The following SDK1 variants were observed in gnomAD, a reference collection of about 807,000 sequenced individuals.
SDK1 encodes the protein sidekick cell adhesion molecule 1, also known as protein sidekick-1.
Under a neutral mutation model 245.5 loss-of-function variants are expected in SDK1, and 157 were observed. The ratio of observed to expected loss-of-function variants is 0.64; its 90% CI spans 0.56 to 0.73. The LOEUF is 0.73. Ranked by LOEUF, SDK1 falls within the 30% of genes least tolerant of loss-of-function variation. The pLI is 0.00. For synonymous variants in SDK1, 1,647 were observed against 1,278.5 expected, an observed-to-expected ratio of 1.29 and a Z score of -6.15; for missense variants, 3,583 against 3,002.3, an observed-to-expected ratio of 1.19 and a Z score of -4.52.
chr7:3,766,293 A>G lies in SDK1; in HGVS notation c.714-55157A>G, dbSNP rs145393694. 9.9e-4 allele frequency among the ~76,000 whole-genome samples: 151 copies of G among 152,344 alleles called. 1 individual carries two copies. Among genetic ancestry groups the G allele is most frequent in the African/African-American group, 3.4e-3 (143 of 41,592 alleles). ...TAACACTTTCTAAATTCATGCCTCA[A>G]GAAGTTCTTTTATTCCAAGAAAATG... On this transcript the variant is annotated intron_variant, in intron 4 of 44. Transcript: ENST00000404826.
intron 19 of SDK1, among the ~76,000 whole-genome samples, chr7:4,056,325 T>C (rs1202093109): frequency 1.3e-5 from 2 of 152,066 alleles, no homozygotes; most frequent in Admixed American, 6.6e-5. Flanking sequence ...AAGGAAAGTT[T>C]GGAGCCTGAA....
At chr7:4,067,721 G>C (rs1283756931) in intron 19 of SDK1, 117 bp from the exon 20 acceptor site, 3 of 672,030 alleles carry the variant, frequency 4.5e-6, no homozygotes, top group Middle Eastern at 2.6e-4. Context: ...GTCTCCTGCA[G>C]GGTTTTGCAG....
intron 5 of SDK1, among the ~76,000 whole-genome samples, chr7:3,824,196 AAG>A (rs777821931): frequency 2.0e-5 from 3 of 152,188 alleles, no homozygotes; most frequent in Non-Finnish European, 4.4e-5. Flanking sequence ...AGATATTCTC[AAG>A]ACCTATTGAT....
chr7:3,969,837 C>G lies in SDK1; in HGVS notation c.1714+413C>G, dbSNP rs1221207327. Among the ~76,000 whole-genome samples the G allele has an allele frequency of 3.3e-5, 5 of 152,284 alleles. No homozygotes were observed. The East Asian group carries it at 9.6e-4, about 29-fold the overall frequency. On this transcript the variant is annotated intron_variant, in intron 11 of 44. Transcript: ENST00000404826. ...AAAACACTTCTAATACACTAACCAT[C>G]AATGTTTCTTGTATGTTAGGAGTGA...
intron 5 of SDK1, among the ~76,000 whole-genome samples, chr7:3,885,377 C>T (rs146271677): frequency 1.1e-4 from 17 of 152,310 alleles, no homozygotes; most frequent in South Asian, 4.1e-4. Context: ...CCACCTATGA[C>T]ACACACTCAT....
intron 1 of SDK1, among the ~76,000 whole-genome samples, chr7:3,609,923 A>G (rs981958935): frequency 4.3e-5 from 6 of 141,148 alleles, no homozygotes; most frequent in Admixed American, 2.9e-4. Flanking sequence ...CTGGTCTCAA[A>G]CTCCTGACCT....
At chr7:3,441,490 C>G (rs183138211) in intron 1 of SDK1, among the ~76,000 whole-genome samples, 1 of 152,268 alleles carries the variant, frequency 6.6e-6, no homozygotes, top group Non-Finnish European at 1.5e-5. Context: ...CACTGAATTG[C>G]CTATTCACTT....
intron 5 of SDK1, among the ~76,000 whole-genome samples, chr7:3,871,810 G>A (rs193161341): frequency 1.6e-3 from 244 of 152,294 alleles, no homozygotes; most frequent in African/African-American, 5.2e-3. Flanking sequence ...TCAAATTACA[G>A]CATGAGATTT....
intron 1 of SDK1, among the ~76,000 whole-genome samples, chr7:3,535,946 A>C (rs1472041611): frequency 6.6e-6 from 1 of 152,174 alleles, no homozygotes; most frequent in Non-Finnish European, 1.5e-5. Flanking sequence ...ATTTATTACT[A>C]GTCAATATCT....
Position 3,949,452 on chromosome 7 carries a change from C to G in SDK1, c.848-1471C>G, listed in dbSNP as rs1001382452. ...CGTTGTTCTCTCTCCGCGGCCCTCA[C>G]CCCACCGCCAGCCGGGCAGGCTAGA... On this transcript the variant is annotated intron_variant, in intron 5 of 44. Coordinates refer to ENST00000404826, the MANE Select transcript of SDK1 (RefSeq NM_152744.4). Among the ~76,000 whole-genome samples, 2 of 152,240 alleles carry G rather than the reference C, an allele frequency of 1.3e-5. 1 individual carries two copies. The highest frequency in any genetic ancestry group is 4.1e-4 in the South Asian group (2 of 4,830).
chr7:3,639,177 T>C, intron 3 of SDK1, 67 bp downstream of exon 3: 1 of 825,504 alleles, frequency 1.2e-6, no homozygotes, highest in Admixed American at 2.3e-5. Context: ...TCAATCAGAA[T>C]CACTTTTCAC....
chr7:4,125,329 A>G (rs528879286), intron 25 of SDK1, among the ~76,000 whole-genome samples: 4 of 147,624 alleles, frequency 2.7e-5, no homozygotes, highest in Non-Finnish European at 3.0e-5. Flanking sequence ...GGGTGAATGG[A>G]TGGATGAATG....
At chr7:3,417,116 G>A (rs530772725) in intron 1 of SDK1, among the ~76,000 whole-genome samples, 101 of 152,314 alleles carry the variant, frequency 6.6e-4, no homozygotes, top group Non-Finnish European at 1.2e-3. Flanking sequence ...GGAGGTTGCA[G>A]GGAGCCGAGA....
At chr7:4,189,424 G>C (rs373916481) in intron 35 of SDK1, among the ~76,000 whole-genome samples, 1 of 152,220 alleles carries the variant, frequency 6.6e-6, no homozygotes, top group Non-Finnish European at 1.5e-5. Context: ...GCCAGGACTT[G>C]CCTTTTTTCC....
At chr7:3,359,047 T>C (rs1254797046) in intron 1 of SDK1, among the ~76,000 whole-genome samples, 2 of 152,170 alleles carry the variant, frequency 1.3e-5, no homozygotes, top group African/African-American at 4.8e-5. Flanking sequence ...TTTTGGCATT[T>C]TCCTCATCAT....
At chr7:3,712,901 A>G (rs1400362500) in intron 4 of SDK1, among the ~76,000 whole-genome samples, 1 of 152,178 alleles carries the variant, frequency 6.6e-6, no homozygotes, top group Non-Finnish European at 1.5e-5. Context: ...CAGTGGTGCC[A>G]TTGGATTCTC....
At chr7:3,559,889 T>C (rs80222586) in intron 1 of SDK1, among the ~76,000 whole-genome samples, 32 of 152,312 alleles carry the variant, frequency 2.1e-4, no homozygotes, top group African/African-American at 7.2e-4. Context: ...GCTCCTAGTA[T>C]AGTGCTTGAC....
chr7:3,331,179 A>T (rs534943935), intron 1 of SDK1, among the ~76,000 whole-genome samples: 2 of 152,164 alleles, frequency 1.3e-5, no homozygotes, highest in South Asian at 4.2e-4. Context: ...CAGGAGAATC[A>T]CTTGAATCTG....
chr7:4,142,877 A>T (rs1357114950), intron 28 of SDK1, among the ~76,000 whole-genome samples: 1 of 152,258 alleles, frequency 6.6e-6, no homozygotes, highest in African/African-American at 2.4e-5. Flanking sequence ...GCTTAAGCCT[A>T]GAAGGTCTCC....
Sources: allele counts gnomAD v4.1 joint callset (sites outside exome capture counted in the v4.1 genomes callset), GRCh38; gene constraint gnomAD v4.1.1; transcripts MANE v1.5; gene names NCBI Gene and HGNC (gene_info 2026-07-23, HGNC 2026-07-21).